Variants in DPP10 observed in about 807,000 individuals in gnomAD.
DPP10 encodes inactive dipeptidyl peptidase 10.
A neutral mutation model predicts 120.9 loss-of-function variants in DPP10; 33 were observed. That is an observed-to-expected ratio of 0.27 (90% CI 0.21 to 0.37). The LOEUF (loss-of-function observed/expected upper bound fraction) is 0.37, where lower values mean the gene tolerates loss of function less well. Among genes scored for constraint, DPP10 ranks in the 10% least tolerant of loss-of-function variants. DPP10 has a pLI of 1.00. For synonymous variants in DPP10, 337 were observed against 326.1 expected, an observed-to-expected ratio of 1.03 and a Z score of -0.36; for missense variants, 816 against 942.8, an observed-to-expected ratio of 0.87 and a Z score of 1.76.
chr2:114,562,673 A>G (rs1223620416), intron 1 of DPP10, among the ~76,000 whole-genome samples: 1 of 152,236 alleles, frequency 6.6e-6, no homozygotes. Flanking sequence ...TGCATTGTGA[A>G]TTGGAGCTTA....
intron 1 of DPP10, chr2:115,161,947 G>A: frequency 2.8e-6 from 4 of 1,438,894 alleles, no homozygotes; most frequent in South Asian, 1.4e-5. Context: ...GCCAGCGCGG[G>A]CCGCCGGCGA....
At chr2:114,831,537 T>C (rs939433373) in intron 1 of DPP10, among the ~76,000 whole-genome samples, 1 of 152,162 alleles carries the variant, frequency 6.6e-6, no homozygotes, top group Non-Finnish European at 1.5e-5. Context: ...AGGCATTGAG[T>C]GTCCCTAGCC....
chr2:114,652,501 T>C (rs1278454495), intron 1 of DPP10, among the ~76,000 whole-genome samples: 1 of 152,144 alleles, frequency 6.6e-6, no homozygotes. Flanking sequence ...TGTTTGGAGA[T>C]CATGTTGATG....
chr2:115,377,384 C>T (rs1335098082), intron 3 of DPP10, among the ~76,000 whole-genome samples: 1 of 152,122 alleles, frequency 6.6e-6, no homozygotes, highest in Non-Finnish European at 1.5e-5. Flanking sequence ...CCTTCACCCA[C>T]TTTTTGATGG....
chr2:115,382,740 C>T (rs1413409728), intron 3 of DPP10, among the ~76,000 whole-genome samples: 1 of 152,172 alleles, frequency 6.6e-6, no homozygotes, highest in Admixed American at 6.5e-5. Context: ...TAGTTTTTCC[C>T]TTATTGCCAC....
At chr2:115,573,276 ATTTTTTTTTTT>A (rs34420249) in intron 5 of DPP10, among the ~76,000 whole-genome samples, 11 of 86,528 alleles carry the variant, frequency 1.3e-4, no homozygotes, top group African/African-American at 4.8e-4. Context: ...GCTTCCTGGG[ATTTTTTTTTTT>A]TTTTTTTTTT....
chr2:114,801,625 C>G (rs1163106141), intron 1 of DPP10, among the ~76,000 whole-genome samples: 1 of 152,110 alleles, frequency 6.6e-6, no homozygotes, highest in Admixed American at 6.5e-5. Context: ...CTGAATATAC[C>G]TAGAATCCAT....
intron 1 of DPP10, among the ~76,000 whole-genome samples, chr2:114,663,668 T>TATATATAGAGAGAGAGAGAGAGAGAG: frequency 2.2e-4 from 18 of 80,696 alleles, no homozygotes; most frequent in African/African-American, 1.7e-3. Context: ...TATATATATA[T>TATATATAGAGAGAGAGAGAGAGAGAG]AGAGAGAGAG....
chr2:115,477,754 C>T (rs7573127), intron 3 of DPP10, among the ~76,000 whole-genome samples: 71 of 152,246 alleles, frequency 4.7e-4, no homozygotes, highest in African/African-American at 1.3e-3. Context: ...AAATTTACTG[C>T]AAAGCCACAG....
chr2:115,805,090 T>TTTGTTTA (rs1486653083), intron 19 of DPP10, among the ~76,000 whole-genome samples: 3 of 152,170 alleles, frequency 2.0e-5, no homozygotes, highest in Non-Finnish European at 4.4e-5. Flanking sequence ...CAGTTGGAGC[T>TTTGTTTA]TCTGGGCTGC....
At chr2:115,468,800 G>T (rs2105148040) in intron 3 of DPP10, 2 of 459,890 alleles carry the variant, frequency 4.3e-6, no homozygotes, top group East Asian at 5.7e-5. Context: ...CTGGTCTCAA[G>T]GTGTGCAGGT....
chr2:115,328,931 T>C (rs546602300), intron 2 of DPP10, among the ~76,000 whole-genome samples: 46 of 152,236 alleles, frequency 3.0e-4, no homozygotes, highest in African/African-American at 1.0e-3. Flanking sequence ...CTAACTCTGA[T>C]CACTGTTTGT....
At chr2:115,041,377 A>G (rs1160624763) in intron 1 of DPP10, among the ~76,000 whole-genome samples, 1 of 152,174 alleles carries the variant, frequency 6.6e-6, no homozygotes, top group Non-Finnish European at 1.5e-5. Flanking sequence ...CTTGTAGCAT[A>G]TGAAACAAAT....
intron 11 of DPP10, 150 bp downstream of exon 11, chr2:115,753,447 C>T: frequency 2.9e-6 from 2 of 685,462 alleles, no homozygotes; most frequent in Non-Finnish European, 4.3e-6. Context: ...AGAATATATA[C>T]TTTAATTTAT....
chr2:115,686,860 C>A (rs1198373368), intron 5 of DPP10, among the ~76,000 whole-genome samples: 2 of 152,080 alleles, frequency 1.3e-5, no homozygotes, highest in Middle Eastern at 3.4e-3. Flanking sequence ...TAATTTTTGG[C>A]TATGAAATTT....
chr2:114,825,359 T>G (rs1019952581), intron 1 of DPP10, among the ~76,000 whole-genome samples: 4 of 152,222 alleles, frequency 2.6e-5, no homozygotes, highest in African/African-American at 9.6e-5. Context: ...GCTTTGCCTT[T>G]GAGAGGAATT....
chr2:114,497,106 T>C (rs2104476309), intron 1 of DPP10, among the ~76,000 whole-genome samples: 1 of 150,202 alleles, frequency 6.7e-6, no homozygotes, highest in Admixed American at 6.6e-5. Context: ...TGTGTACATG[T>C]ACGTATACAT....
intron 4 of DPP10, among the ~76,000 whole-genome samples, chr2:115,522,640 A>G (rs1331883425): frequency 6.6e-6 from 1 of 152,226 alleles, no homozygotes; most frequent in Non-Finnish European, 1.5e-5. Context: ...AACAGAATGT[A>G]CATAGATGGC....
Position 115,665,397 on chromosome 2 carries a change from C to A in DPP10, c.442-24290C>A, listed in dbSNP as rs535659257. Among the ~76,000 whole-genome samples the A allele has an allele frequency of 2.8e-4, 42 of 152,246 alleles. No homozygotes were observed. The South Asian group carries it at 6.8e-3, about 25-fold the overall frequency. On this transcript the variant is annotated intron_variant, in intron 5 of 25. Coordinates refer to ENST00000410059, the MANE Select transcript of DPP10 (RefSeq NM_020868.6). ...CATGAACAATTAAATTAATGACATT[C>A]CGTTTGGTCTACAGTCTGCCCAATT...
Sources: gnomAD v4.1 joint callset for allele counts (sites outside exome capture counted in the v4.1 genomes callset) on GRCh38, gnomAD v4.1.1 for gene constraint, MANE v1.5 for transcripts, NCBI Gene and HGNC (gene_info 2026-07-23, HGNC 2026-07-21) for gene names.